Variants in SNX30 observed in about 807,000 individuals in gnomAD.
SNX30 encodes sorting nexin-30.
Under a neutral mutation model 46.4 loss-of-function variants are expected in SNX30, and 24 were observed. That is an observed-to-expected ratio of 0.52 (90% CI 0.37 to 0.73). SNX30 has a LOEUF of 0.73. SNX30 is among the 30% of genes least tolerant of loss of function. The probability of loss-of-function intolerance (pLI) is 0.00; values close to 1 mark genes in which losing one functional copy is unlikely to be tolerated. For synonymous variants in SNX30, 189 were observed against 211.5 expected, an observed-to-expected ratio of 0.89 and a Z score of 0.92; for missense variants, 533 against 555.7, an observed-to-expected ratio of 0.96 and a Z score of 0.41.
chr9:112,861,865 T>G (rs533350344), intron 7 of SNX30, among the ~76,000 whole-genome samples: 1 of 152,312 alleles, frequency 6.6e-6, no homozygotes, highest in African/African-American at 2.4e-5. Context: ...GGCCCGATCT[T>G]CCCAGGTTGG....
At chr9:112,795,796 C>CACACACAT (rs71491062) in intron 1 of SNX30, among the ~76,000 whole-genome samples, 1 of 150,946 alleles carries the variant, frequency 6.6e-6, no homozygotes, top group South Asian at 2.1e-4. Flanking sequence ...CACACACACA[C>CACACACAT]GCACACATGA....
intron 2 of SNX30, among the ~76,000 whole-genome samples, chr9:112,814,916 G>A (rs752802916): frequency 3.3e-5 from 5 of 152,170 alleles, no homozygotes; most frequent in South Asian, 4.1e-4. Context: ...TTTAATTATC[G>A]TGTAACCATT....
chr9:112,772,084 G>A (rs2131365496), intron 1 of SNX30, among the ~76,000 whole-genome samples: 1 of 152,252 alleles, frequency 6.6e-6, no homozygotes, highest in South Asian at 2.1e-4. Flanking sequence ...GACTTTCCTT[G>A]CCTAGAACAT....
intron 1 of SNX30, among the ~76,000 whole-genome samples, chr9:112,791,399 CTTTTTTTT>C (rs386415930): frequency 2.4e-4 from 16 of 67,476 alleles, no homozygotes; most frequent in East Asian, 1.6e-3. Context: ...TATTTAGGAA[CTTTTTTTT>C]TTTTTTTTTT....
chr9:112,828,536 G>C (rs1023318939), intron 3 of SNX30, among the ~76,000 whole-genome samples: 1 of 151,990 alleles, frequency 6.6e-6, no homozygotes, highest in African/African-American at 2.4e-5. Context: ...CAAGCTCAAC[G>C]AACAGTACAT....
intron 3 of SNX30, among the ~76,000 whole-genome samples, chr9:112,821,303 C>A (rs1840489213): frequency 6.6e-6 from 1 of 152,090 alleles, no homozygotes; most frequent in Non-Finnish European, 1.5e-5. Flanking sequence ...TGGGCATTTG[C>A]ATATCTTCCT....
chr9:112,811,138 TG>T (rs1840312287), intron 2 of SNX30, among the ~76,000 whole-genome samples: 1 of 152,144 alleles, frequency 6.6e-6, no homozygotes, highest in South Asian at 2.1e-4. Flanking sequence ...AAGTCCATGT[TG>T]GAAGAAAGGA....
intron 1 of SNX30, among the ~76,000 whole-genome samples, chr9:112,784,954 A>G (rs1197372565): frequency 2.0e-5 from 3 of 152,160 alleles, no homozygotes; most frequent in Non-Finnish European, 4.4e-5. Context: ...TGGGAACTTG[A>G]TAAGTGTTTG....
At chr9:112,760,290 G>A (rs1839415563) in intron 1 of SNX30, among the ~76,000 whole-genome samples, 2 of 152,164 alleles carry the variant, frequency 1.3e-5, no homozygotes, top group Admixed American at 6.5e-5. Context: ...TTAGAGGAAG[G>A]GGGCCCTGGA....
intron 1 of SNX30, among the ~76,000 whole-genome samples, chr9:112,780,224 C>G (rs893662597): frequency 1.3e-5 from 2 of 152,136 alleles, no homozygotes; most frequent in African/African-American, 4.8e-5. Flanking sequence ...TATGAGCAGG[C>G]AGAATTGGGG....
chr9:112,831,129 C>T (rs1840653540), intron 4 of SNX30, among the ~76,000 whole-genome samples: 3 of 149,328 alleles, frequency 2.0e-5, no homozygotes, highest in Admixed American at 1.3e-4. Context: ...AGAGTGAGAC[C>T]CTATCTCTTT....
chr9:112,830,590 T>A, intron 3 of SNX30, 135 bp from the exon 4 acceptor site: 2 of 699,780 alleles, frequency 2.9e-6, no homozygotes, highest in South Asian at 5.0e-5. Context: ...TTTATATTAA[T>A]GACTACATGA....
downstream of SNX30, among the ~76,000 whole-genome samples, chr9:112,884,789 A>T (rs1366850010): frequency 6.6e-6 from 1 of 152,228 alleles, no homozygotes; most frequent in Non-Finnish European, 1.5e-5. Context: ...TATGACACAC[A>T]TGAACTAGTA....
chr9:112,807,501 T>C (rs1482219143), intron 2 of SNX30, among the ~76,000 whole-genome samples: 1 of 152,214 alleles, frequency 6.6e-6, no homozygotes, highest in Non-Finnish European at 1.5e-5. Context: ...ACATATATTA[T>C]TTCCTCAGAG....
intron 2 of SNX30, among the ~76,000 whole-genome samples, chr9:112,808,432 C>T (rs78501151): frequency 0.017 from 2,600 of 152,294 alleles, 83 homozygotes; most frequent in African/African-American, 0.057. Flanking sequence ...CTTCTCTCCC[C>T]AGTGGTGGAG....
At chr9:112,861,764 G>T (rs988492216) in intron 7 of SNX30, among the ~76,000 whole-genome samples, 1 of 152,076 alleles carries the variant, frequency 6.6e-6, no homozygotes, top group Non-Finnish European at 1.5e-5. Flanking sequence ...TGTCCCTTGT[G>T]TGTACCGCCA....
intron 1 of SNX30, among the ~76,000 whole-genome samples, chr9:112,786,116 CCT>C (rs1839919921): frequency 1.5e-5 from 1 of 65,872 alleles, no homozygotes; most frequent in Non-Finnish European, 2.7e-5. Context: ...TAGGAGCTGT[CCT>C]TTTTTTTTTT....
At chr9:112,750,628 C>T (rs564688447), upstream of SNX30, among the ~76,000 whole-genome samples, 178 of 151,654 alleles carry the variant, frequency 1.2e-3, 1 homozygote, top group African/African-American at 4.0e-3. Flanking sequence ...GCCGCGCCTC[C>T]TCCCTCCCTC....
At chr9:112,750,128 A>G (rs554784350), upstream of SNX30, among the ~76,000 whole-genome samples, 4 of 152,186 alleles carry the variant, frequency 2.6e-5, no homozygotes, top group South Asian at 2.1e-4. Flanking sequence ...GAAGAGTCGC[A>G]TATCATTTGA....
Sources: gnomAD v4.1 joint callset for allele counts (sites outside exome capture counted in the v4.1 genomes callset) on GRCh38, gnomAD v4.1.1 for gene constraint, MANE v1.5 for transcripts, NCBI Gene and HGNC (gene_info 2026-07-23, HGNC 2026-07-21) for gene names.